The following RUFY4 variants were observed in gnomAD, a reference collection of about 807,000 sequenced individuals.
The protein encoded by RUFY4 is RUN and FYVE domain-containing protein 4.
In RUFY4, 73 loss-of-function variants were observed where a neutral mutation model predicts 69.0. The observed-to-expected ratio is 1.06, with a 90% CI of 0.88 to 1.29. The LOEUF (loss-of-function observed/expected upper bound fraction) is 1.29, where lower values mean the gene tolerates loss of function less well. RUFY4 is among the 50% of genes most tolerant of loss of function. The pLI, the probability that RUFY4 is intolerant of heterozygous loss-of-function variation, is 0.00. For missense variants in RUFY4, 770 were observed against 705.6 expected (o/e 1.09, Z -1.03); for synonymous variants, 287 against 271.8 (o/e 1.06, Z -0.55).
rs187332056 is a variant in RUFY4, at chr2:218,049,067, G to A, written c.-1157-9528G>A. Among the ~76,000 whole-genome samples, 22 of 152,284 alleles carry A rather than the reference G, an allele frequency of 1.4e-4. No homozygotes were observed. The East Asian group carries it at 4.2e-3, about 29-fold the overall frequency. Reference sequence around the variant, plus strand: ...TGATTACAAAGAAATCTACATGGGGGAAGTTTCATGGCTGTACTGGCTGGG... The same window carrying A: ...TGATTACAAAGAAATCTACATGGGGAAAGTTTCATGGCTGTACTGGCTGGG... On this transcript the variant is annotated intron_variant and NMD_transcript_variant, in intron 2 of 13. Coordinates refer to the RUFY4 transcript ENST00000457754.
intron 3 of RUFY4, 132 bp from the exon 6 acceptor site, chr2:218,072,647 C>T: frequency 7.5e-7 from 1 of 1,329,054 alleles, no homozygotes; most frequent in Non-Finnish European, 1.0e-6. Flanking sequence ...TCCAGACACC[C>T]TTTTCCTCCC....
Position 218,076,463 on chromosome 2 carries a change from G to A in RUFY4, c.1285G>A (p.Ala429Thr), listed in dbSNP as rs564452162. The A allele has an allele frequency of 7.1e-6, 11 of 1,549,988 alleles. No homozygotes were observed. The East Asian group carries it at 2.0e-4, about 28-fold the overall frequency. The stretch of plus-strand genomic sequence containing the variant: ...TGGGCTCCGGAAGGCTGAGGAGCAG[G>A]CCCAGCGCCAGGAGCAGCTGCTGAG... The change falls in exon 8 of 11, where the codon GCC becomes ACC. Residue 429 changes from alanine (A) to threonine (T), a missense_variant. Coordinates refer to ENST00000344321, the Ensembl canonical transcript of RUFY4.
At chr2:218,060,575 T>G in intron 3 of RUFY4, 1 of 1,323,516 alleles carries the variant, frequency 7.6e-7, no homozygotes, top group Non-Finnish European at 1.1e-6. Flanking sequence ...CAGGTCTCAT[T>G]GGTCATCTGG....
chr2:218,056,396 C>A (rs561725409), intron 2 of RUFY4, among the ~76,000 whole-genome samples: 1 of 152,250 alleles, frequency 6.6e-6, no homozygotes, highest in Non-Finnish European at 1.5e-5. Flanking sequence ...CTCCAGGCAA[C>A]TCTGCCCTGA....
intron 9 of RUFY4, among the ~76,000 whole-genome samples, chr2:218,087,390 G>A (rs1331672661): frequency 6.6e-6 from 1 of 152,136 alleles, no homozygotes; most frequent in East Asian, 1.9e-4. Flanking sequence ...GATGCTGTGA[G>A]AAAAGACGGC....
At chr2:218,076,367 C>T in intron 7 of RUFY4, 60 bp from the exon 10 acceptor site, 1 of 1,533,154 alleles carries the variant, frequency 6.5e-7, no homozygotes, top group Middle Eastern at 2.3e-4. Flanking sequence ...AGGTCAGCCC[C>T]AGCACTGGGG....
At chr2:218,080,316 A>T (rs1195905558) in intron 8 of RUFY4, among the ~76,000 whole-genome samples, 1 of 152,198 alleles carries the variant, frequency 6.6e-6, no homozygotes, top group African/African-American at 2.4e-5. Flanking sequence ...GTGTGGTAGA[A>T]GTCCCGTGCA....
At chr2:218,043,247 G>A (rs1285915509) in intron 2 of RUFY4, among the ~76,000 whole-genome samples, 1 of 152,084 alleles carries the variant, frequency 6.6e-6, no homozygotes, top group East Asian at 1.9e-4. Context: ...TCAGGAGAGA[G>A]GGTAGGTCTT....
chr2:218,055,110 C>T (rs1042966472), intron 2 of RUFY4, among the ~76,000 whole-genome samples: 3 of 152,106 alleles, frequency 2.0e-5, no homozygotes, highest in Non-Finnish European at 2.9e-5. Context: ...GAAGAAGATA[C>T]AAGGCGAAGC....
At chr2:218,046,708 A>T (rs1688838389) in intron 2 of RUFY4, among the ~76,000 whole-genome samples, 1 of 152,240 alleles carries the variant, frequency 6.6e-6, no homozygotes, top group Admixed American at 6.5e-5. Context: ...AACACTCATC[A>T]ATGACAAATA....
intron 8 of RUFY4, among the ~76,000 whole-genome samples, chr2:218,076,962 T>C (rs1689648763): frequency 1.3e-5 from 2 of 152,200 alleles, no homozygotes; most frequent in South Asian, 4.1e-4. Flanking sequence ...TTATGCCACC[T>C]CTCACCCTCT....
chr2:218,060,614 C>T, intron 3 of RUFY4: 1 of 1,350,632 alleles, frequency 7.4e-7, no homozygotes, highest in Non-Finnish European at 1.1e-6. Flanking sequence ...GCCAGCAGGA[C>T]CAGGTTGTAG....
At chr2:218,069,605 G>C (rs577806951), upstream of RUFY4, 2 of 152,262 alleles carry the variant, frequency 1.3e-5, no homozygotes, top group South Asian at 4.1e-4. Flanking sequence ...AGCCAGGCCA[G>C]GATGGAGACC....
intron 2 of RUFY4, among the ~76,000 whole-genome samples, chr2:218,041,697 G>A (rs735212): frequency 0.099 from 15,143 of 152,200 alleles, 2,357 homozygotes; most frequent in African/African-American, 0.34. Context: ...AATGATTGAG[G>A]TAAGTTTTGT....
At chr2:218,081,064 T>C (rs1221837856) in intron 8 of RUFY4, among the ~76,000 whole-genome samples, 1 of 152,174 alleles carries the variant, frequency 6.6e-6, no homozygotes, top group Admixed American at 6.5e-5. Context: ...AAGTGCTCAG[T>C]AAACTAATTC....
exon 7 of RUFY4, chr2:218,075,367 C>A (rs761907053): frequency 5.6e-6 from 9 of 1,612,844 alleles, no homozygotes; most frequent in Non-Finnish European, 7.6e-6. Flanking sequence ...GGGAACTCAA[C>A]ACCCAGCACC....
Position 218,041,103 on chromosome 2 carries a change from T to C in RUFY4, c.-1158+5709T>C, listed in dbSNP as rs139718699. Among the ~76,000 whole-genome samples, 184 of 152,204 alleles carry C rather than the reference T, an allele frequency of 1.2e-3. 1 individual carries two copies. The East Asian group carries it at 0.014, about 12-fold the overall frequency. ...TTTCCCTGGAATTGATGATAGGATG[T>C]TCCATGTACTTATCATGACATCAGT... On this transcript the variant is annotated intron_variant and NMD_transcript_variant, in intron 2 of 13. Transcript: ENST00000457754.
chr2:218,056,412 CT>C (rs1185844767), intron 2 of RUFY4, among the ~76,000 whole-genome samples: 1 of 152,006 alleles, frequency 6.6e-6, no homozygotes, highest in East Asian at 1.9e-4. Flanking sequence ...CCTGAGAGAG[CT>C]TTTTTCCCCC....
exon 4 of RUFY4, chr2:218,072,883 C>A: frequency 6.6e-7 from 1 of 1,523,440 alleles, no homozygotes; most frequent in South Asian, 1.2e-5. Flanking sequence ...CAGAGCTCAC[C>A]AGGTGGGGCT....
Sources: gnomAD v4.1 joint callset for allele counts (sites outside exome capture counted in the v4.1 genomes callset) on GRCh38, gnomAD v4.1.1 for gene constraint, MANE v1.5 for transcripts, NCBI Gene and HGNC (gene_info 2026-07-23, HGNC 2026-07-21) for gene names.